The following THRB variants were observed in gnomAD, a reference collection of about 807,000 sequenced individuals.
THRB encodes the protein thyroid hormone receptor beta.
In THRB, 12 loss-of-function variants were observed where a neutral mutation model predicts 47.8. That is an observed-to-expected ratio of 0.25 (90% confidence interval 0.16 to 0.41). The LOEUF is 0.41. Ranked by LOEUF, THRB falls within the 10% of genes least tolerant of loss-of-function variation. THRB has a pLI of 1.00. For synonymous variants in THRB, 218 were observed against 212.2 expected, an observed-to-expected ratio of 1.03 and a Z score of -0.24; for missense variants, 348 against 589.2, an observed-to-expected ratio of 0.59 and a Z score of 4.24.
chr3:24,427,002 A>G (rs563816517), intron 1 of THRB, among the ~76,000 whole-genome samples: 51 of 152,058 alleles, frequency 3.4e-4, no homozygotes, highest in Admixed American at 8.5e-4. Flanking sequence ...ATGCTTGCCA[A>G]AAACCCCTTG....
chr3:24,358,218 A>C (rs2063821654), intron 1 of THRB, among the ~76,000 whole-genome samples: 1 of 152,188 alleles, frequency 6.6e-6, no homozygotes, highest in South Asian at 2.1e-4. Flanking sequence ...TTGTGTTACC[A>C]ATATACTTTC....
intron 5 of THRB, among the ~76,000 whole-genome samples, chr3:24,180,229 G>A (rs931148117): frequency 1.3e-5 from 2 of 152,168 alleles, no homozygotes; most frequent in Admixed American, 6.5e-5. Context: ...TTAGTCCTGA[G>A]GCTTAACTAA....
rs1167992200 is a variant in THRB, at chr3:24,143,609, G to A, written c.630C>T (p.His210=). Reference sequence around the variant, plus strand: ...ATTCCTCGTCTGTGGGCTCTGGCTTGTGCCCGATGGACTTCTGCAGCTCTT... The same window carrying A: ...ATTCCTCGTCTGTGGGCTCTGGCTTATGCCCGATGGACTTCTGCAGCTCTT... The part of the protein sequence containing the change: ...RREELQKSIG[H]KPEPTDEEWE... Residue 210 remains histidine, a synonymous_variant, in exon 8 of 11, where the codon CAC becomes CAT. Coordinates refer to ENST00000646209, the MANE Select transcript of THRB (RefSeq NM_001354712.2). 1 of 1,614,176 alleles carries A rather than the reference G, an allele frequency of 6.2e-7. No individual in the cohort carries two copies. Among genetic ancestry groups the A allele is most frequent in the South Asian group, 1.1e-5 (1 of 91,084 alleles).
chr3:24,390,797 A>AAAAAAAAAAAT (rs5847290), intron 1 of THRB, among the ~76,000 whole-genome samples: 6 of 137,860 alleles, frequency 4.4e-5, no homozygotes, highest in African/African-American at 1.6e-4. Context: ...AAAAAAAAAA[A>AAAAAAAAAAAT]ATATATATAT....
intron 1 of THRB, among the ~76,000 whole-genome samples, chr3:24,425,445 T>A (rs948682519): frequency 6.6e-6 from 1 of 151,976 alleles, no homozygotes; most frequent in Non-Finnish European, 1.5e-5. Context: ...CGCACCTTTT[T>A]TTCCTATTGA....
chr3:24,487,152 TTGTG>T (rs57780481), intron 1 of THRB, among the ~76,000 whole-genome samples: 1 of 150,976 alleles, frequency 6.6e-6, no homozygotes, highest in East Asian at 1.9e-4. Context: ...TGCTAGGGGT[TTGTG>T]TGTGTGTGTG....
Position 24,276,434 on chromosome 3 carries a change from A to C in THRB, c.-43+20792T>G, listed in dbSNP as rs200584104. On this transcript the variant is annotated intron_variant, in intron 3 of 10. Coordinates refer to ENST00000646209, the MANE Select transcript of THRB (RefSeq NM_001354712.2). ...CTCAGGGATCAAAATTCCAGGGTTCAAACCCAGGTTGCATCATTTCTCAAC... is the reference window on the plus strand; with the variant it reads ...CTCAGGGATCAAAATTCCAGGGTTCCAACCCAGGTTGCATCATTTCTCAAC... Among the ~76,000 whole-genome samples, 5 of 152,242 alleles carry C rather than the reference A, an allele frequency of 3.3e-5. No individual in the cohort carries two copies. The East Asian group carries it at 9.6e-4, about 29-fold the overall frequency.
At chr3:24,142,515 T>C (rs1296531698) in intron 8 of THRB, among the ~76,000 whole-genome samples, 1 of 152,246 alleles carries the variant, frequency 6.6e-6, no homozygotes, top group African/African-American at 2.4e-5. Context: ...GGTACAAGGA[T>C]AATTATACCA....
At chr3:24,308,989 C>A (rs2057554602) in intron 2 of THRB, among the ~76,000 whole-genome samples, 1 of 152,118 alleles carries the variant, frequency 6.6e-6, no homozygotes, top group Admixed American at 6.6e-5. Flanking sequence ...AGAACCTCTG[C>A]CCTTGGTGCT....
intron 5 of THRB, among the ~76,000 whole-genome samples, chr3:24,164,278 C>T (rs2039326059): frequency 6.6e-6 from 1 of 152,140 alleles, no homozygotes; most frequent in South Asian, 2.1e-4. Flanking sequence ...TATAAAGCCA[C>T]AGTGTCTATT....
intron 3 of THRB, among the ~76,000 whole-genome samples, chr3:24,229,812 G>A (rs993440640): frequency 6.6e-6 from 1 of 152,220 alleles, no homozygotes; most frequent in Non-Finnish European, 1.5e-5. Context: ...TCTGTGGCCA[G>A]TGGTAGATGG....
At chr3:24,490,074 A>G (rs1191392944) in intron 1 of THRB, among the ~76,000 whole-genome samples, 1 of 152,166 alleles carries the variant, frequency 6.6e-6, no homozygotes, top group Non-Finnish European at 1.5e-5. Flanking sequence ...CAACAGGTAT[A>G]CTCATCTCAT....
At chr3:24,378,605 A>T (rs2149817988) in intron 1 of THRB, among the ~76,000 whole-genome samples, 1 of 152,288 alleles carries the variant, frequency 6.6e-6, no homozygotes, top group East Asian at 1.9e-4. Flanking sequence ...GGTTGGGTGT[A>T]TATAGGCCAT....
At chr3:24,201,446 T>A (rs566173761) in intron 4 of THRB, among the ~76,000 whole-genome samples, 1 of 152,288 alleles carries the variant, frequency 6.6e-6, no homozygotes, top group Admixed American at 6.5e-5. Context: ...AATGTGGGAT[T>A]TCTGCCTCCA....
chr3:24,182,244 C>T (rs72619922), intron 5 of THRB, among the ~76,000 whole-genome samples: 14,561 of 151,908 alleles, frequency 0.096, 858 homozygotes, highest in South Asian at 0.17. Context: ...AAAGAAAGAC[C>T]ACAATGGAAG....
intron 2 of THRB, among the ~76,000 whole-genome samples, chr3:24,313,116 G>C (rs996725484): frequency 2.0e-5 from 3 of 152,102 alleles, no homozygotes; most frequent in African/African-American, 7.2e-5. Flanking sequence ...CTGGGTGAAT[G>C]GTGCCGCCAT....
intron 1 of THRB, among the ~76,000 whole-genome samples, chr3:24,346,158 T>A (rs1197368925): frequency 1.3e-5 from 2 of 152,086 alleles, no homozygotes; most frequent in Non-Finnish European, 2.9e-5. Flanking sequence ...TCTTGTGGGA[T>A]TTAAAACATA....
intron 8 of THRB, among the ~76,000 whole-genome samples, chr3:24,138,143 G>A (rs1482707157): frequency 6.6e-6 from 1 of 152,122 alleles, no homozygotes; most frequent in African/African-American, 2.4e-5. Flanking sequence ...AACGCTGCCA[G>A]CTGACCTCTG....
chr3:24,330,442 T>G (rs189352312), intron 2 of THRB, among the ~76,000 whole-genome samples: 180 of 152,328 alleles, frequency 1.2e-3, no homozygotes, highest in African/African-American at 4.2e-3. Flanking sequence ...AAAACAATAT[T>G]ACAGACACCC....
Sources: gnomAD v4.1 joint callset for allele counts (sites outside exome capture counted in the v4.1 genomes callset) on GRCh38, gnomAD v4.1.1 for gene constraint, MANE v1.5 for transcripts, NCBI Gene and HGNC (gene_info 2026-07-23, HGNC 2026-07-21) for gene names.